Variants in FSTL5 observed in about 807,000 individuals in gnomAD.
FSTL5 encodes the protein follistatin like 5.
A neutral mutation model predicts 89.1 loss-of-function variants in FSTL5; 62 were observed. That is an observed-to-expected ratio of 0.70 (90% CI 0.57 to 0.86). The LOEUF (loss-of-function observed/expected upper bound fraction) is 0.86, where lower values mean the gene tolerates loss of function less well. FSTL5 is among the 40% of genes least tolerant of loss of function. FSTL5 has a pLI of 0.00. For missense variants in FSTL5, 1,057 were observed against 1,001.6 expected (o/e 1.06, Z -0.75); for synonymous variants, 383 against 346.2 (o/e 1.11, Z -1.18).
intron 4 of FSTL5, among the ~76,000 whole-genome samples, chr4:161,872,778 G>T (rs1223012916): frequency 2.6e-5 from 4 of 152,140 alleles, no homozygotes; most frequent in African/African-American, 7.2e-5. Flanking sequence ...TTTTATAAAA[G>T]AATTGAAGTT....
chr4:161,611,681 T>G (rs1200511605), intron 7 of FSTL5, among the ~76,000 whole-genome samples: 3 of 152,180 alleles, frequency 2.0e-5, no homozygotes, highest in Non-Finnish European at 4.4e-5. Flanking sequence ...AATGCTAATT[T>G]TGTAGTGCAA....
At chr4:162,097,973 C>T (rs1022968979) in intron 2 of FSTL5, among the ~76,000 whole-genome samples, 1 of 151,790 alleles carries the variant, frequency 6.6e-6, no homozygotes, top group African/African-American at 2.4e-5. Flanking sequence ...CCAAGGGAAA[C>T]TGAAATAATC....
chr4:162,093,633 G>C (rs2086760836), intron 2 of FSTL5, among the ~76,000 whole-genome samples: 1 of 152,050 alleles, frequency 6.6e-6, no homozygotes, highest in African/African-American at 2.4e-5. Flanking sequence ...ACTTTGGTGT[G>C]TATTTTTTTT....
chr4:161,805,402 A>G (rs1464734839), intron 4 of FSTL5, among the ~76,000 whole-genome samples: 3 of 152,094 alleles, frequency 2.0e-5, no homozygotes, highest in African/African-American at 4.8e-5. Flanking sequence ...AGCATTTCAG[A>G]TAAGAGAAAT....
chr4:161,901,911 G>A (rs979056898), intron 4 of FSTL5, among the ~76,000 whole-genome samples: 13 of 152,044 alleles, frequency 8.6e-5, no homozygotes, highest in Admixed American at 2.6e-4. Context: ...CTCCAGCCTG[G>A]GTGACAGAGT....
At chr4:162,084,844 G>A in intron 2 of FSTL5, among the ~76,000 whole-genome samples, 1 of 152,030 alleles carries the variant, frequency 6.6e-6, no homozygotes, top group East Asian at 1.9e-4. Context: ...GATGGGTGCA[G>A]CAAACCACCA....
At position 161,660,553 on chromosome 4, in the gene FSTL5, C is replaced by A. The variant is rs1272693590; in HGVS notation, c.728-4059G>T. Among the ~76,000 whole-genome samples the A allele has an allele frequency of 2.0e-5, 3 of 152,114 alleles. No homozygotes were observed. In the East Asian group the frequency reaches 5.8e-4, roughly 29 times the overall value. ...GTGTGTGTCATGGGGATTTGTTGTA[C>A]AGATTATTTCATTACCCAGGTATTA... On this transcript the variant is annotated intron_variant, in intron 6 of 15. Transcript: ENST00000306100.
intron 15 of FSTL5, among the ~76,000 whole-genome samples, chr4:161,404,958 C>T (rs932028533): frequency 2.6e-5 from 4 of 152,126 alleles, no homozygotes; most frequent in African/African-American, 7.2e-5. Context: ...TAGCTGGGGG[C>T]GGTGGCTCAT....
chr4:162,013,196 A>T (rs2111135663), intron 3 of FSTL5, among the ~76,000 whole-genome samples: 1 of 150,378 alleles, frequency 6.6e-6, no homozygotes, highest in Non-Finnish European at 1.5e-5. Context: ...AAAAAAAAAA[A>T]AAATTTTCAG....
At chr4:161,883,766 C>A (rs1297879964) in intron 4 of FSTL5, among the ~76,000 whole-genome samples, 1 of 152,158 alleles carries the variant, frequency 6.6e-6, no homozygotes, top group African/African-American at 2.4e-5. Flanking sequence ...GAGCTTCACA[C>A]GTCTGAGATT....
At chr4:161,830,334 A>G (rs1212217735) in intron 4 of FSTL5, among the ~76,000 whole-genome samples, 1 of 152,020 alleles carries the variant, frequency 6.6e-6, no homozygotes, top group African/African-American at 2.4e-5. Flanking sequence ...CCAAGTTCTT[A>G]TGTGGATAGT....
chr4:161,569,156 T>C, intron 8 of FSTL5, among the ~76,000 whole-genome samples: 1 of 152,170 alleles, frequency 6.6e-6, no homozygotes, highest in East Asian at 1.9e-4. Context: ...GCCTGGATAA[T>C]TTTTAGTGGA....
At chr4:161,426,667 C>T (rs1732177027) in intron 15 of FSTL5, among the ~76,000 whole-genome samples, 1 of 152,160 alleles carries the variant, frequency 6.6e-6, no homozygotes, top group African/African-American at 2.4e-5. Flanking sequence ...GTCTGGCTCA[C>T]TGCAACCTCT....
At chr4:161,415,933 A>G (rs1256233007) in intron 15 of FSTL5, among the ~76,000 whole-genome samples, 1 of 151,618 alleles carries the variant, frequency 6.6e-6, no homozygotes, top group Non-Finnish European at 1.5e-5. Context: ...GCCTGCGCAG[A>G]TCATTTCTTT....
At chr4:161,650,703 T>C (rs1416695031) in intron 7 of FSTL5, among the ~76,000 whole-genome samples, 1 of 152,192 alleles carries the variant, frequency 6.6e-6, no homozygotes, top group Non-Finnish European at 1.5e-5. Context: ...AAATTTATTT[T>C]ATAAATCCAT....
At chr4:161,423,221 A>C (rs1265558515) in intron 15 of FSTL5, among the ~76,000 whole-genome samples, 1 of 152,210 alleles carries the variant, frequency 6.6e-6, no homozygotes, top group Non-Finnish European at 1.5e-5. Context: ...TGACTAGTAA[A>C]AATAAATAAA....
At chr4:161,885,131 C>T (rs1009308318) in intron 4 of FSTL5, among the ~76,000 whole-genome samples, 5 of 152,036 alleles carry the variant, frequency 3.3e-5, no homozygotes, top group African/African-American at 9.7e-5. Context: ...CTAAAAACAA[C>T]ATATTTAAAT....
At chr4:162,114,681 C>G (rs1731570497) in intron 1 of FSTL5, among the ~76,000 whole-genome samples, 1 of 152,214 alleles carries the variant, frequency 6.6e-6, no homozygotes, top group Non-Finnish European at 1.5e-5. Context: ...CCCATGCATT[C>G]AGACTTAGAT....
chr4:161,957,756 A>G (rs1193540807), intron 3 of FSTL5, among the ~76,000 whole-genome samples: 2 of 152,120 alleles, frequency 1.3e-5, no homozygotes, highest in Non-Finnish European at 2.9e-5. Flanking sequence ...ACCTAACTAC[A>G]CATACTTAAA....
Sources: allele counts gnomAD v4.1 joint callset (sites outside exome capture counted in the v4.1 genomes callset), GRCh38; gene constraint gnomAD v4.1.1; transcripts MANE v1.5; gene names NCBI Gene and HGNC (gene_info 2026-07-23, HGNC 2026-07-21).